The following CACNA1E variants were observed in gnomAD, a reference collection of about 807,000 sequenced individuals.
CACNA1E encodes voltage-dependent R-type calcium channel subunit alpha-1E.
CACNA1E carries 40 observed loss-of-function variants against 259.2 expected under a neutral mutation model. That is an observed-to-expected ratio of 0.15 (90% CI 0.12 to 0.20). The LOEUF is 0.20. Ranked by LOEUF, CACNA1E falls within the 10% of genes least tolerant of loss-of-function variation. The probability of loss-of-function intolerance (pLI) is 1.00; values close to 1 mark genes in which losing one functional copy is unlikely to be tolerated. For missense variants in CACNA1E, 1,874 were observed against 3,040.1 expected (o/e 0.62, Z 9.02); for synonymous variants, 1,104 against 1,138.5 (o/e 0.97, Z 0.61).
At chr1:181,361,989 C>G (rs1045914871) in intron 1 of CACNA1E, among the ~76,000 whole-genome samples, 4 of 152,194 alleles carry the variant, frequency 2.6e-5, no homozygotes, top group African/African-American at 9.7e-5. Context: ...ATTATAATTA[C>G]TAGGTTGCAG....
chr1:181,447,351 C>A (rs1377403710), intron 2 of CACNA1E, among the ~76,000 whole-genome samples: 1 of 150,674 alleles, frequency 6.6e-6, no homozygotes, highest in African/African-American at 2.4e-5. Flanking sequence ...CATAGCAAGA[C>A]CTCATCTCTA....
intron 6 of CACNA1E, among the ~76,000 whole-genome samples, chr1:181,641,703 GTTTT>G (rs751082929): frequency 2.8e-4 from 23 of 81,124 alleles, no homozygotes; most frequent in African/African-American, 7.9e-4. Flanking sequence ...CTAATTTTTT[GTTTT>G]TTTTTTTTTT....
In CACNA1E at chr1:181,796,696, G is replaced by A. The variant is rs1661834650; in HGVS notation, c.6237G>A (p.Gly2079=). ...SGHKSDTHRS[G]GRERGRSKER... ...ACAAGTCTGACACTCACCGCTCAGGGGGCAGGGAGCGGGGACGATCAAAAG... is the reference window on the plus strand; with the variant it reads ...ACAAGTCTGACACTCACCGCTCAGGAGGCAGGGAGCGGGGACGATCAAAAG... The change falls in exon 47 of 48, where the codon GGG becomes GGA. Residue 2079 remains glycine, a synonymous_variant. Coordinates refer to ENST00000367573, the MANE Select transcript of CACNA1E (RefSeq NM_001205293.3). 5 of 1,606,822 alleles carry A rather than the reference G, an allele frequency of 3.1e-6. No individual in the cohort carries two copies. In the African/African-American group the frequency reaches 5.3e-5, roughly 17 times the overall value.
At chr1:181,401,016 C>T (rs1158759865) in intron 1 of CACNA1E, among the ~76,000 whole-genome samples, 1 of 152,122 alleles carries the variant, frequency 6.6e-6, no homozygotes, top group Non-Finnish European at 1.5e-5. Flanking sequence ...CTGTGATCTG[C>T]CCCCCAACAT....
chr1:181,552,267 G>C (rs946516702), intron 3 of CACNA1E, among the ~76,000 whole-genome samples: 2 of 152,116 alleles, frequency 1.3e-5, no homozygotes, highest in South Asian at 4.1e-4. Flanking sequence ...ATTCTCTGTC[G>C]TTCCCAGATC....
intron 25 of CACNA1E, among the ~76,000 whole-genome samples, chr1:181,742,271 G>A (rs1656652551): frequency 6.6e-6 from 1 of 152,176 alleles, no homozygotes; most frequent in Non-Finnish European, 1.5e-5. Flanking sequence ...AGAGGGCCTG[G>A]CCTGGGGCAG....
intron 1 of CACNA1E, among the ~76,000 whole-genome samples, chr1:181,330,132 T>C (rs1452357015): frequency 6.6e-6 from 1 of 152,196 alleles, no homozygotes; most frequent in Non-Finnish European, 1.5e-5. Flanking sequence ...TTTGGGGATA[T>C]TGTCATACTG....
chr1:181,434,673 A>G (rs889165764), intron 2 of CACNA1E, among the ~76,000 whole-genome samples: 12 of 152,302 alleles, frequency 7.9e-5, no homozygotes, highest in Non-Finnish European at 1.2e-4. Flanking sequence ...AGTGGAAGTG[A>G]ACTTGAGGAG....
At chr1:181,368,309 A>T (rs983176731) in intron 1 of CACNA1E, among the ~76,000 whole-genome samples, 4 of 152,090 alleles carry the variant, frequency 2.6e-5, no homozygotes, top group African/African-American at 9.7e-5. Context: ...ATACATCGCA[A>T]ATCTACCAGA....
chr1:181,627,383 A>G (rs191995767), intron 6 of CACNA1E, among the ~76,000 whole-genome samples: 2 of 152,334 alleles, frequency 1.3e-5, no homozygotes, highest in East Asian at 1.9e-4. Context: ...GGAAGAGGAA[A>G]TGGTACCTGT....
chr1:181,638,749 T>C (rs147325000), intron 6 of CACNA1E, among the ~76,000 whole-genome samples: 1 of 152,318 alleles, frequency 6.6e-6, no homozygotes, highest in African/African-American at 2.4e-5. Flanking sequence ...GTTCTCATGA[T>C]AGTGAGTGAA....
intron 7 of CACNA1E, among the ~76,000 whole-genome samples, chr1:181,671,707 G>T (rs1441420737): frequency 6.6e-6 from 1 of 152,154 alleles, no homozygotes; most frequent in East Asian, 1.9e-4. Context: ...CTGAAGATGT[G>T]ATTTACCAAC....
At chr1:181,494,318 T>C (rs1664560774) in intron 1 of CACNA1E, among the ~76,000 whole-genome samples, 1 of 139,424 alleles carries the variant, frequency 7.2e-6, no homozygotes, top group Non-Finnish European at 1.6e-5. Flanking sequence ...AAAGTGGTGT[T>C]TTTTTTTTTT....
intron 6 of CACNA1E, among the ~76,000 whole-genome samples, chr1:181,592,385 A>G (rs554726834): frequency 3.8e-4 from 57 of 151,138 alleles, no homozygotes; most frequent in Middle Eastern, 3.4e-3. Flanking sequence ...CGGGAGATGC[A>G]GCACAGGTTC....
At chr1:181,527,628 C>T (rs1667459209) in intron 3 of CACNA1E, among the ~76,000 whole-genome samples, 2 of 152,308 alleles carry the variant, frequency 1.3e-5, no homozygotes, top group Admixed American at 6.5e-5. Context: ...ATATGGTCTT[C>T]TTTTTCTCTC....
intron 1 of CACNA1E, among the ~76,000 whole-genome samples, chr1:181,488,802 CT>C (rs137876565): frequency 2.0e-5 from 3 of 151,528 alleles, no homozygotes; most frequent in African/African-American, 4.8e-5. Flanking sequence ...AACAGGCCTG[CT>C]TTTTTTTTCT....
At chr1:181,472,881 T>C (rs796550153) in intron 2 of CACNA1E, among the ~76,000 whole-genome samples, 13 of 152,310 alleles carry the variant, frequency 8.5e-5, no homozygotes, top group African/African-American at 3.1e-4. Flanking sequence ...CTGAACATTA[T>C]AGACTCCTGT....
At chr1:181,372,979 A>T (rs560549717) in intron 1 of CACNA1E, among the ~76,000 whole-genome samples, 2 of 152,262 alleles carry the variant, frequency 1.3e-5, no homozygotes, top group Admixed American at 1.3e-4. Context: ...GAATCCCAGG[A>T]ATAAATCCTA....
intron 1 of CACNA1E, among the ~76,000 whole-genome samples, chr1:181,372,633 A>T (rs79478464): frequency 0.032 from 4,789 of 151,942 alleles, 257 homozygotes; most frequent in African/African-American, 0.11. Context: ...TCCAGTACTA[A>T]ATTGAGTAGG....
Sources: allele counts gnomAD v4.1 joint callset (sites outside exome capture counted in the v4.1 genomes callset), GRCh38; gene constraint gnomAD v4.1.1; transcripts MANE v1.5; gene names NCBI Gene and HGNC (gene_info 2026-07-23, HGNC 2026-07-21).